The following NUP98 variants were observed in gnomAD, a reference collection of about 807,000 sequenced individuals.
NUP98 encodes the protein nuclear pore complex protein Nup98-Nup96.
A neutral mutation model predicts 191.9 loss-of-function variants in NUP98; 26 were observed. The ratio of observed to expected loss-of-function variants is 0.14; its 90% CI spans 0.10 to 0.19. NUP98 has a LOEUF of 0.19. NUP98 is among the 10% of genes least tolerant of loss of function. The probability of loss-of-function intolerance (pLI) is 1.00; values close to 1 mark genes in which losing one functional copy is unlikely to be tolerated. For synonymous variants in NUP98, 808 were observed against 778.4 expected, an observed-to-expected ratio of 1.04 and a Z score of -0.63; for missense variants, 1,941 against 2,178.8, an observed-to-expected ratio of 0.89 and a Z score of 2.17.
intron 1 of NUP98, among the ~76,000 whole-genome samples, chr11:3,790,280 A>T (rs1028572282): frequency 8.5e-5 from 13 of 152,310 alleles, no homozygotes; most frequent in African/African-American, 3.1e-4. Flanking sequence ...TTTTTTAGCC[A>T]TGAAACCCGA....
At chr11:3,753,814 C>A (rs2080857989) in intron 10 of NUP98, among the ~76,000 whole-genome samples, 1 of 138,028 alleles carries the variant, frequency 7.2e-6, no homozygotes, top group African/African-American at 2.8e-5. Flanking sequence ...CGGTGCGTGC[C>A]TGTAATCCCA....
intron 11 of NUP98, among the ~76,000 whole-genome samples, chr11:3,745,145 G>A (rs922350183): frequency 2.0e-4 from 30 of 152,110 alleles, no homozygotes; most frequent in African/African-American, 7.0e-4. Context: ...TAATAAAACA[G>A]GTTTCCAAAG....
intron 11 of NUP98, among the ~76,000 whole-genome samples, chr11:3,750,424 A>G (rs552359888): frequency 3.2e-4 from 49 of 152,320 alleles, no homozygotes; most frequent in Non-Finnish European, 5.0e-4. Flanking sequence ...AATGAGATTG[A>G]TATGTATGTA....
intron 31 of NUP98, among the ~76,000 whole-genome samples, chr11:3,677,447 T>C (rs2672218): frequency 0.71 from 102,987 of 145,770 alleles, 37,594 homozygotes; most frequent in Middle Eastern, 0.84. Flanking sequence ...GGGGGTCTCG[T>C]TATGTTGCTC....
intron 19 of NUP98, among the ~76,000 whole-genome samples, chr11:3,712,989 T>C (rs2079066082): frequency 6.6e-6 from 1 of 152,248 alleles, no homozygotes; most frequent in Admixed American, 6.5e-5. Context: ...TAATCATTAA[T>C]ATAGGAAACT....
At chr11:3,778,774 AAAAG>A in intron 4 of NUP98, 95 bp downstream of exon 4, 1 of 1,281,410 alleles carries the variant, frequency 7.8e-7, no homozygotes, top group South Asian at 1.4e-5. Flanking sequence ...ATTTAGTAGG[AAAAG>A]AAGGTAGATG....
At chr11:3,764,869 C>T (rs1416430508) in intron 8 of NUP98, among the ~76,000 whole-genome samples, 1 of 152,138 alleles carries the variant, frequency 6.6e-6, no homozygotes, top group Admixed American at 6.5e-5. Context: ...TGAGCCACCG[C>T]GCCCAGCCTG....
At chr11:3,786,799 C>T (rs536365998) in intron 1 of NUP98, among the ~76,000 whole-genome samples, 3 of 152,304 alleles carry the variant, frequency 2.0e-5, no homozygotes, top group Admixed American at 2.0e-4. Context: ...GTGGTCAAAA[C>T]GTTTACAACT....
At chr11:3,708,143 T>TA (rs1398613619) in intron 20 of NUP98, among the ~76,000 whole-genome samples, 4 of 152,140 alleles carry the variant, frequency 2.6e-5, no homozygotes, top group African/African-American at 9.7e-5. Flanking sequence ...GAAGGCTTGA[T>TA]AAAATGGTTT....
intron 1 of NUP98, among the ~76,000 whole-genome samples, chr11:3,787,899 G>A (rs1196203268): frequency 6.6e-6 from 1 of 152,114 alleles, no homozygotes; most frequent in Non-Finnish European, 1.5e-5. Context: ...GGCTGAGGCA[G>A]GAGAATCACT....
chr11:3,754,370 G>T (rs1032029196), intron 10 of NUP98, among the ~76,000 whole-genome samples: 1 of 152,136 alleles, frequency 6.6e-6, no homozygotes, highest in Non-Finnish European at 1.5e-5. Context: ...GGGTTGCAGT[G>T]AGCCAAGATC....
intron 12 of NUP98, among the ~76,000 whole-genome samples, chr11:3,742,831 T>C (rs1328598769): frequency 6.6e-6 from 1 of 151,972 alleles, no homozygotes; most frequent in Admixed American, 6.6e-5. Flanking sequence ...AAGAAAAATA[T>C]GTAAGTACGC....
At chr11:3,725,330 G>A (rs1361872502) in intron 14 of NUP98, 111 bp from the exon 15 acceptor site, 24 of 608,182 alleles carry the variant, frequency 3.9e-5, no homozygotes, top group African/African-American at 5.5e-5. Flanking sequence ...CTCAACTCTT[G>A]TACACCTAAG....
intron 27 of NUP98, 151 bp downstream of exon 27, chr11:3,693,081 T>A (rs694102): frequency 0.21 from 151,672 of 717,292 alleles, 18,774 homozygotes; most frequent in African/African-American, 0.42. Flanking sequence ...TCATGATATT[T>A]AATAAAATAA....
chr11:3,780,551 A>G (rs1391771778), intron 2 of NUP98, among the ~76,000 whole-genome samples: 1 of 147,484 alleles, frequency 6.8e-6, no homozygotes, highest in Non-Finnish European at 1.5e-5. Flanking sequence ...CAAAAAAAAA[A>G]AAAAAAAAAA....
At chr11:3,700,206 T>C (rs1227240261) in intron 24 of NUP98, among the ~76,000 whole-genome samples, 1 of 143,954 alleles carries the variant, frequency 6.9e-6, no homozygotes, top group East Asian at 2.0e-4. Context: ...ATACAAAAAT[T>C]AGCTGGGTGT....
chr11:3,752,518 AAAATAAAT>A (rs3061901), intron 11 of NUP98, among the ~76,000 whole-genome samples: 11 of 147,464 alleles, frequency 7.5e-5, no homozygotes, highest in Non-Finnish European at 7.4e-5. Flanking sequence ...CTCCATCTCC[AAAATAAAT>A]AAATAAATAA....
chr11:3,734,630 G>C (rs79580435), intron 13 of NUP98, among the ~76,000 whole-genome samples: 2,850 of 152,276 alleles, frequency 0.019, 102 homozygotes, highest in African/African-American at 0.065. Context: ...GTGAGTAAAA[G>C]ATCATGTTTT....
intron 4 of NUP98, among the ~76,000 whole-genome samples, chr11:3,776,444 A>T (rs910427563): frequency 6.7e-6 from 1 of 148,948 alleles, no homozygotes; most frequent in South Asian, 2.1e-4. Flanking sequence ...GAAATTTTTC[A>T]CCTTTCAAGT....
Sources: gnomAD v4.1 joint callset for allele counts (sites outside exome capture counted in the v4.1 genomes callset) on GRCh38, gnomAD v4.1.1 for gene constraint, MANE v1.5 for transcripts, NCBI Gene and HGNC (gene_info 2026-07-23, HGNC 2026-07-21) for gene names.